The following DEK variants were observed in gnomAD, a reference collection of about 807,000 sequenced individuals.
DEK encodes DEK proto-oncogene, also known as protein DEK.
DEK carries 28 observed loss-of-function variants against 46.8 expected under a neutral mutation model. The ratio of observed to expected loss-of-function variants is 0.60; its 90% CI spans 0.44 to 0.82. The LOEUF (loss-of-function observed/expected upper bound fraction) is 0.82, where lower values mean the gene tolerates loss of function less well. Among genes scored for constraint, DEK ranks in the 40% least tolerant of loss-of-function variants. The pLI is 0.00. For missense variants in DEK, 416 were observed against 430.6 expected, an observed-to-expected ratio of 0.97 and a Z score of 0.30; for synonymous variants, 160 against 144.5, an observed-to-expected ratio of 1.11 and a Z score of -0.77.
At chr6:18,246,195 G>A (rs1222769407) in intron 7 of DEK, among the ~76,000 whole-genome samples, 1 of 152,110 alleles carries the variant, frequency 6.6e-6, no homozygotes, top group Non-Finnish European at 1.5e-5. Flanking sequence ...AATCAATTTA[G>A]AGAAAATAAC....
rs746907689 is a variant in DEK at position 18,264,512 on chromosome 6, G to A, written c.-137C>T. 9.4e-5 allele frequency: 23 copies of A among 243,456 alleles called. No individual in the cohort carries two copies. In the South Asian group the frequency reaches 1.0e-3, roughly 11 times the overall value. 15.1% of individuals were successfully genotyped at this position (243,456 alleles called of 1,614,324 possible). A position where few individuals can be genotyped will look rare whatever the true frequency, so the allele number is the denominator to read the frequency against. The stretch of plus-strand genomic sequence containing the variant: ...GCGTGACGCTCGCGCCGCGCGCTCG[G>A]CTCCCCAGAATCAACAAGATTTTCA... On this transcript the variant is annotated 5_prime_UTR_variant, in exon 1 of 11. Transcript: ENST00000652689.
At chr6:18,239,041 C>T (rs1245701098) in intron 7 of DEK, among the ~76,000 whole-genome samples, 1 of 152,108 alleles carries the variant, frequency 6.6e-6, no homozygotes, top group Non-Finnish European at 1.5e-5. Context: ...TCTCCTGCCT[C>T]AGCCTCTTGA....
intron 9 of DEK, 35 bp from the exon 10 acceptor site, chr6:18,226,277 G>A: frequency 7.6e-7 from 1 of 1,310,770 alleles, no homozygotes; most frequent in Middle Eastern, 1.9e-4. Context: ...AATGTTAAAA[G>A]CAGATTTTAA....
intron 9 of DEK, among the ~76,000 whole-genome samples, chr6:18,229,674 G>C (rs1790317418): frequency 6.6e-6 from 1 of 151,960 alleles, no homozygotes; most frequent in Admixed American, 6.6e-5. Context: ...GAGAAGTCTG[G>C]AGAAAAAAGA....
intron 9 of DEK, among the ~76,000 whole-genome samples, chr6:18,228,241 T>G (rs1790224722): frequency 6.6e-6 from 1 of 152,128 alleles, no homozygotes; most frequent in African/African-American, 2.4e-5. Flanking sequence ...CCATAGACAA[T>G]AGTTAAATAA....
Position 18,249,801 on chromosome 6 carries a change from A to C in DEK, c.612T>G (p.Ser204Arg), listed in dbSNP as rs781569055. ...TTCCAGAACTGTTCCGTTCCTTTTT[A>C]CTGCCTTTGCTACAAGTTTTTTTAG... ...PKSKKTCSKG[S>R]KKERNSSGMA... Residue 204 changes from serine to arginine, a missense_variant, in exon 7 of 11, where the codon AGT becomes AGG. Ser to Arg is a moderately radical substitution (Grantham distance 110). Transcript: ENST00000652689. The C allele has an allele frequency of 6.2e-7, 1 of 1,603,636 alleles. No individual in the cohort carries two copies. Among genetic ancestry groups the C allele is most frequent in the Non-Finnish European group, 8.5e-7 (1 of 1,177,402 alleles).
chr6:18,235,871 T>C (rs1180414047), intron 9 of DEK, among the ~76,000 whole-genome samples: 1 of 152,190 alleles, frequency 6.6e-6, no homozygotes, highest in Non-Finnish European at 1.5e-5. Flanking sequence ...TAATAATCAA[T>C]GTCCTTTAAA....
intron 7 of DEK, among the ~76,000 whole-genome samples, chr6:18,238,751 A>G (rs1790775503): frequency 6.6e-6 from 1 of 152,138 alleles, no homozygotes; most frequent in African/African-American, 2.4e-5. Context: ...TGAAATTAGA[A>G]AGCATTAATT....
At chr6:18,240,758 C>T (rs545832415) in intron 7 of DEK, among the ~76,000 whole-genome samples, 1 of 152,260 alleles carries the variant, frequency 6.6e-6, no homozygotes, top group Admixed American at 6.5e-5. Flanking sequence ...AGGTTCAAGA[C>T]CAGCCTGGGC....
rs569303269 is a variant in DEK, at chr6:18,231,670, A to C, written c.1047+4782T>G. ...ACCCTCCCAAGACTAAACCAGGAAG[A>C]AGTTGAATCTGAATAGACCAATAAC... On this transcript the variant is annotated intron_variant, in intron 9 of 10. Coordinates refer to ENST00000652689, the MANE Select transcript of DEK (RefSeq NM_003472.4). Among the ~76,000 whole-genome samples, 94 of 152,374 alleles carry C rather than the reference A, an allele frequency of 6.2e-4. No homozygotes were observed. The Middle Eastern group carries it at 0.014, about 22-fold the overall frequency.
At chr6:18,258,508 ATTC>A in intron 2 of DEK, 103 bp from the exon 3 acceptor site, 2 of 754,352 alleles carry the variant, frequency 2.7e-6, no homozygotes, top group South Asian at 2.1e-5. Context: ...CTAATACTTT[ATTC>A]TTCTTCTGAG....
At position 18,264,392 on chromosome 6, in the gene DEK, T is replaced by G. The variant is rs112983272; in HGVS notation, c.-17A>C. ...TCCCGAAGCAGCCCTTACCGCGGAT[T>G]TCGGCCGCCGCGGGCCTGGCACGCG... On this transcript the variant is annotated 5_prime_UTR_variant, in exon 1 of 11. Transcript: ENST00000652689. The G allele has an allele frequency of 3.1e-5, 7 of 225,810 alleles. No individual in the cohort carries two copies. The highest frequency in any genetic ancestry group is 1.7e-4 in the African/African-American group (7 of 42,216). The allele number at this position is 225,810 out of a possible 1,614,324, so 14.0% of individuals were successfully genotyped here.
intron 7 of DEK, among the ~76,000 whole-genome samples, chr6:18,246,094 TTATTAACAGCGTG>T (rs1012816246): frequency 6.6e-6 from 1 of 152,254 alleles, no homozygotes; most frequent in Non-Finnish European, 1.5e-5. Flanking sequence ...GGGTATGTCT[TTATTAACAGCGTG>T]AGAAAGGACT....
chr6:18,257,301 G>A (rs915728591), intron 4 of DEK, among the ~76,000 whole-genome samples: 1 of 152,046 alleles, frequency 6.6e-6, no homozygotes, highest in Non-Finnish European at 1.5e-5. Flanking sequence ...TCTGAATGTC[G>A]AGAAAATCCA....
chr6:18,247,659 G>A (rs1294834758), intron 7 of DEK, among the ~76,000 whole-genome samples: 1 of 152,020 alleles, frequency 6.6e-6, no homozygotes, highest in Non-Finnish European at 1.5e-5. Context: ...AATTTTAAAA[G>A]TGAGTATAAA....
intron 3 of DEK, 63 bp downstream of exon 3, chr6:18,258,241 C>G (rs866296600): frequency 1.4e-6 from 2 of 1,406,388 alleles, no homozygotes; most frequent in Non-Finnish European, 2.0e-6. Context: ...AAGCTACAAA[C>G]CATCATTTTC....
At chr6:18,255,101 G>A (rs560644775) in intron 6 of DEK, among the ~76,000 whole-genome samples, 7 of 152,186 alleles carry the variant, frequency 4.6e-5, no homozygotes, top group African/African-American at 1.4e-4. Flanking sequence ...AAAAAGGCAA[G>A]GTCATGTAAC....
At chr6:18,229,604 G>T (rs948582760) in intron 9 of DEK, among the ~76,000 whole-genome samples, 1 of 152,168 alleles carries the variant, frequency 6.6e-6, no homozygotes, top group Admixed American at 6.5e-5. Context: ...TAGCCGATTC[G>T]ATCAACTGGA....
chr6:18,236,648 A>G, intron 8 of DEK, 48 bp from the exon 9 acceptor site: 1 of 1,256,040 alleles, frequency 8.0e-7, no homozygotes, highest in Non-Finnish European at 1.1e-6. Flanking sequence ...GTAAATTAAC[A>G]TTTAACAAAG....
Sources: gnomAD v4.1 joint callset for allele counts (sites outside exome capture counted in the v4.1 genomes callset) on GRCh38, gnomAD v4.1.1 for gene constraint, MANE v1.5 for transcripts, NCBI Gene and HGNC (gene_info 2026-07-23, HGNC 2026-07-21) for gene names.